PTK2: variants seen among roughly 807,000 people sequenced by gnomAD.
PTK2 encodes focal adhesion kinase 1.
In PTK2, 45 loss-of-function variants were observed where a neutral mutation model predicts 150.1. That is an observed-to-expected ratio of 0.30 (90% CI 0.24 to 0.38). The LOEUF is 0.38. Among genes scored for constraint, PTK2 ranks in the 10% least tolerant of loss-of-function variants. The pLI is 1.00. For missense variants in PTK2, 919 were observed against 1,307.3 expected (o/e 0.70, Z 4.58); for synonymous variants, 432 against 449.2 (o/e 0.96, Z 0.48).
At chr8:140,972,778 C>T (rs1317516354) in intron 1 of PTK2, among the ~76,000 whole-genome samples, 1 of 152,184 alleles carries the variant, frequency 6.6e-6, no homozygotes, top group East Asian at 1.9e-4. Flanking sequence ...AGAGTTAAGA[C>T]ACGTTTTGTC....
chr8:140,896,020 A>C (rs79761384), intron 2 of PTK2, among the ~76,000 whole-genome samples: 2,630 of 152,292 alleles, frequency 0.017, 76 homozygotes, highest in African/African-American at 0.059. Flanking sequence ...AAAATGAAGA[A>C]GAGAATATAA....
intron 12 of PTK2, among the ~76,000 whole-genome samples, chr8:140,793,600 T>C (rs2100089875): frequency 1.3e-5 from 2 of 152,194 alleles, no homozygotes; most frequent in African/African-American, 4.8e-5. Flanking sequence ...GTTTAAAGGG[T>C]ACTGCCTAAT....
At chr8:140,877,978 T>C (rs1442164553) in intron 4 of PTK2, among the ~76,000 whole-genome samples, 1 of 152,152 alleles carries the variant, frequency 6.6e-6, no homozygotes, top group Non-Finnish European at 1.5e-5. Flanking sequence ...TAAATAAAAG[T>C]ACCTTGACAC....
At chr8:140,939,115 ATCT>A (rs1386676521) in intron 1 of PTK2, among the ~76,000 whole-genome samples, 2 of 152,200 alleles carry the variant, frequency 1.3e-5, no homozygotes, top group South Asian at 2.1e-4. Context: ...CAAAGGATAC[ATCT>A]TCTTCAACAG....
At chr8:140,688,606 G>C (rs778390702) in intron 26 of PTK2, among the ~76,000 whole-genome samples, 1 of 152,030 alleles carries the variant, frequency 6.6e-6, no homozygotes, top group Non-Finnish European at 1.5e-5. Context: ...CTGAGTCCCA[G>C]CTACTGGAGA....
intron 27 of PTK2, among the ~76,000 whole-genome samples, chr8:140,679,178 C>T (rs1239010973): frequency 2.0e-5 from 3 of 151,556 alleles, no homozygotes; most frequent in Non-Finnish European, 4.4e-5. Flanking sequence ...GTGTGCACCA[C>T]CACGCCTGGG....
chr8:140,783,702 T>G (rs2100083165), intron 14 of PTK2, among the ~76,000 whole-genome samples: 1 of 152,248 alleles, frequency 6.6e-6, no homozygotes. Context: ...AAATAACATT[T>G]ATTTCATTAA....
At chr8:140,892,960 G>A (rs1207987398) in intron 2 of PTK2, among the ~76,000 whole-genome samples, 1 of 152,188 alleles carries the variant, frequency 6.6e-6, no homozygotes, top group Non-Finnish European at 1.5e-5. Context: ...GGTTAAACAT[G>A]GAGTTACCAC....
chr8:140,923,630 C>A (rs11781505), intron 2 of PTK2, among the ~76,000 whole-genome samples: 63,190 of 151,998 alleles, frequency 0.42, 15,028 homozygotes, highest in Non-Finnish European at 0.54. Context: ...AGTGAAAAAG[C>A]GTAAGCAGTC....
At chr8:140,971,039 C>T (rs989420545) in intron 1 of PTK2, among the ~76,000 whole-genome samples, 2 of 152,158 alleles carry the variant, frequency 1.3e-5, no homozygotes, top group African/African-American at 4.8e-5. Flanking sequence ...TGGTTGTTGA[C>T]GTTGCTCAAC....
intron 26 of PTK2, among the ~76,000 whole-genome samples, chr8:140,699,579 A>G (rs1022612884): frequency 1.3e-5 from 2 of 152,214 alleles, no homozygotes; most frequent in Non-Finnish European, 2.9e-5. Context: ...TCAGTCATAA[A>G]TGCCAGGAAG....
exon 24 of PTK2, chr8:140,706,184 T>C: frequency 6.2e-7 from 1 of 1,613,420 alleles, no homozygotes; most frequent in Non-Finnish European, 8.5e-7. Context: ...GACCTCGGAC[T>C]GGGATAACCC....
intron 1 of PTK2, among the ~76,000 whole-genome samples, chr8:140,941,491 G>C (rs2100175735): frequency 6.6e-6 from 1 of 152,122 alleles, no homozygotes; most frequent in Admixed American, 6.5e-5. Flanking sequence ...TTCTATTAGT[G>C]CCACACATTA....
intron 2 of PTK2, among the ~76,000 whole-genome samples, chr8:140,911,035 T>C (rs990087438): frequency 2.0e-4 from 30 of 149,386 alleles, no homozygotes; most frequent in African/African-American, 7.1e-4. Context: ...CGCACCACTA[T>C]GCCCAGCTAA....
At chr8:140,674,249 C>CA in intron 29 of PTK2, 49 bp downstream of exon 32, 14 of 1,508,780 alleles carry the variant, frequency 9.3e-6, no homozygotes, top group Non-Finnish European at 1.3e-5. Context: ...AACTAGGGGA[C>CA]ACCACAAATC....
At chr8:140,895,188 GA>G (rs1220603962) in intron 2 of PTK2, among the ~76,000 whole-genome samples, 2 of 152,150 alleles carry the variant, frequency 1.3e-5, no homozygotes, top group Admixed American at 6.5e-5. Context: ...ACAGTGAAAA[GA>G]AATATCAAAA....
At chr8:140,760,688 A>G (rs1230911730) in intron 16 of PTK2, among the ~76,000 whole-genome samples, 1 of 152,228 alleles carries the variant, frequency 6.6e-6, no homozygotes, top group Non-Finnish European at 1.5e-5. Flanking sequence ...TACACTGAAA[A>G]GCACTGAATT....
chr8:140,742,240 A>G (rs1003423646), intron 20 of PTK2, among the ~76,000 whole-genome samples: 4 of 152,232 alleles, frequency 2.6e-5, no homozygotes, highest in Admixed American at 2.6e-4. Context: ...GAGGCAATCA[A>G]TACAACCAGC....
chr8:140,767,858 T>C (rs1209284458), intron 14 of PTK2, among the ~76,000 whole-genome samples: 2 of 152,192 alleles, frequency 1.3e-5, no homozygotes, highest in African/African-American at 4.8e-5. Context: ...TACACTGATA[T>C]GATAGGTATT....
Sources: gnomAD v4.1 joint callset for allele counts (sites outside exome capture counted in the v4.1 genomes callset) on GRCh38, gnomAD v4.1.1 for gene constraint, MANE v1.5 for transcripts, NCBI Gene and HGNC (gene_info 2026-07-23, HGNC 2026-07-21) for gene names.